DIP2C: variants seen among roughly 807,000 people sequenced by gnomAD.
The protein encoded by DIP2C is disco-interacting protein 2 homolog C.
In DIP2C, 33 loss-of-function variants were observed where a neutral mutation model predicts 192.4. That is an observed-to-expected ratio of 0.17 (90% CI 0.13 to 0.23). DIP2C has a LOEUF of 0.23. DIP2C is among the 10% of genes least tolerant of loss of function. The probability of loss-of-function intolerance (pLI) is 1.00; values close to 1 mark genes in which losing one functional copy is unlikely to be tolerated. For synonymous variants in DIP2C, 979 were observed against 864.1 expected, an observed-to-expected ratio of 1.13 and a Z score of -2.33; for missense variants, 1,537 against 2,110.1, an observed-to-expected ratio of 0.73 and a Z score of 5.32.
intron 29 of DIP2C, among the ~76,000 whole-genome samples, chr10:337,268 A>ATG (rs1398276035): frequency 4.5e-4 from 5 of 11,004 alleles, no homozygotes; most frequent in Admixed American, 1.5e-3. Flanking sequence ...GCCTAGGCTG[A>ATG]TGTGTGTGTG....
At chr10:525,995 ACAC>A (rs1847028510) in intron 1 of DIP2C, among the ~76,000 whole-genome samples, 1 of 152,180 alleles carries the variant, frequency 6.6e-6, no homozygotes, top group Admixed American at 6.5e-5. Context: ...GAACCCCCGC[ACAC>A]CACCTCCTTC....
intron 1 of DIP2C, among the ~76,000 whole-genome samples, chr10:509,764 G>T (rs1272085614): frequency 6.6e-6 from 1 of 152,174 alleles, no homozygotes; most frequent in African/African-American, 2.4e-5. Context: ...AGAGCAGCTT[G>T]GAGAGGACGG....
chr10:577,227 G>A (rs1049173808), intron 1 of DIP2C, among the ~76,000 whole-genome samples: 2 of 151,322 alleles, frequency 1.3e-5, no homozygotes, highest in Non-Finnish European at 2.9e-5. Context: ...CATGGTACAA[G>A]AAGAATGACC....
chr10:534,139 A>G (rs141906295), intron 1 of DIP2C, among the ~76,000 whole-genome samples: 12 of 152,328 alleles, frequency 7.9e-5, no homozygotes, highest in African/African-American at 2.9e-4. Context: ...CCCACTTCCC[A>G]GAGTCCATGC....
At position 434,742 on chromosome 10, in the gene DIP2C, T is replaced by C. The variant is rs375709096; in HGVS notation, c.394+6129A>G. Among the ~76,000 whole-genome samples the C allele has an allele frequency of 7.9e-5, 12 of 152,346 alleles. No individual in the cohort carries two copies. The East Asian group carries it at 1.3e-3, about 17-fold the overall frequency. On this transcript the variant is annotated intron_variant, in intron 4 of 36. Coordinates refer to ENST00000280886, the MANE Select transcript of DIP2C (RefSeq NM_014974.3). ...TTTTGAAAGATAATTTCACAGGGTATAGACTTCTAGGTTAATGGCATTTTT... is the reference window on the plus strand; with the variant it reads ...TTTTGAAAGATAATTTCACAGGGTACAGACTTCTAGGTTAATGGCATTTTT...
chr10:297,392 C>A (rs1459466946), intron 32 of DIP2C, among the ~76,000 whole-genome samples: 4 of 152,074 alleles, frequency 2.6e-5, no homozygotes, highest in Non-Finnish European at 4.4e-5. Context: ...TTTACTGCAG[C>A]CTGATTCACA....
chr10:342,438 A>G (rs1348100813), intron 28 of DIP2C, among the ~76,000 whole-genome samples: 5 of 152,112 alleles, frequency 3.3e-5, no homozygotes, highest in Non-Finnish European at 7.4e-5. Context: ...GATTACAGGC[A>G]CGAGACACCG....
intron 10 of DIP2C, among the ~76,000 whole-genome samples, chr10:392,072 A>G (rs923953118): frequency 6.6e-6 from 1 of 152,166 alleles, no homozygotes; most frequent in Non-Finnish European, 1.5e-5. Context: ...GATGGAACCC[A>G]CTTCGGGGAC....
chr10:558,010 C>T (rs971214267), intron 1 of DIP2C, among the ~76,000 whole-genome samples: 3 of 152,040 alleles, frequency 2.0e-5, no homozygotes, highest in East Asian at 3.9e-4. Flanking sequence ...CATGACAGGG[C>T]GGACACATGA....
chr10:439,023 A>C (rs778389207), intron 4 of DIP2C, among the ~76,000 whole-genome samples: 5 of 152,138 alleles, frequency 3.3e-5, no homozygotes, highest in African/African-American at 7.2e-5. Context: ...AAATGTACAA[A>C]AGGCATTTTG....
intron 1 of DIP2C, among the ~76,000 whole-genome samples, chr10:560,817 G>A (rs1012361027): frequency 6.6e-6 from 1 of 151,908 alleles, no homozygotes; most frequent in Non-Finnish European, 1.5e-5. Context: ...GTGGGGGGTG[G>A]GACTTGCCTT....
intron 2 of DIP2C, among the ~76,000 whole-genome samples, chr10:484,188 C>T (rs1843828666): frequency 6.6e-6 from 1 of 152,218 alleles, no homozygotes; most frequent in African/African-American, 2.4e-5. Flanking sequence ...TGATTTTCTT[C>T]ATTCTGGTGG....
At chr10:524,982 AAG>A (rs1491584769) in intron 1 of DIP2C, among the ~76,000 whole-genome samples, 3 of 151,362 alleles carry the variant, frequency 2.0e-5, no homozygotes, top group Non-Finnish European at 4.4e-5. Flanking sequence ...AAAAAAAAAA[AAG>A]AATCACATTT....
chr10:561,743 G>C (rs971995854), intron 1 of DIP2C, among the ~76,000 whole-genome samples: 8 of 151,946 alleles, frequency 5.3e-5, no homozygotes, highest in Non-Finnish European at 1.2e-4. Context: ...TGCCAGGAAG[G>C]GAAGACTCCT....
At chr10:606,860 C>T (rs547593075) in intron 1 of DIP2C, among the ~76,000 whole-genome samples, 1 of 152,174 alleles carries the variant, frequency 6.6e-6, no homozygotes, top group African/African-American at 2.4e-5. Flanking sequence ...GACGCCACAG[C>T]TTCCGTGTGG....
chr10:444,070 G>A (rs1344043225), intron 3 of DIP2C, among the ~76,000 whole-genome samples: 1 of 152,220 alleles, frequency 6.6e-6, no homozygotes, highest in Non-Finnish European at 1.5e-5. Context: ...CATGAGGCGT[G>A]TTCACTGGTG....
intron 1 of DIP2C, among the ~76,000 whole-genome samples, chr10:571,205 G>A (rs1849774895): frequency 6.6e-6 from 1 of 152,230 alleles, no homozygotes; most frequent in South Asian, 2.1e-4. Flanking sequence ...ACAGGGAGAA[G>A]CACTTCTCTC....
At chr10:431,288 A>G (rs143439528) in intron 4 of DIP2C, among the ~76,000 whole-genome samples, 2,159 of 152,338 alleles carry the variant, frequency 0.014, 29 homozygotes, top group Non-Finnish European at 0.022. Flanking sequence ...GAAGGAAAAC[A>G]TCTTGACAAT....
chr10:460,415 G>C (rs931737418), intron 3 of DIP2C, among the ~76,000 whole-genome samples: 2 of 152,184 alleles, frequency 1.3e-5, no homozygotes, highest in African/African-American at 4.8e-5. Flanking sequence ...TTTATAAAGA[G>C]AAGATATGTA....
Sources: allele counts gnomAD v4.1 joint callset (sites outside exome capture counted in the v4.1 genomes callset), GRCh38; gene constraint gnomAD v4.1.1; transcripts MANE v1.5; gene names NCBI Gene and HGNC (gene_info 2026-07-23, HGNC 2026-07-21).